RALGAPA2: variants seen among roughly 807,000 people sequenced by gnomAD.
RALGAPA2 encodes the protein ral GTPase-activating protein subunit alpha-2.
RALGAPA2 carries 139 observed loss-of-function variants against 230.4 expected under a neutral mutation model. The observed-to-expected ratio is 0.60, with a 90% CI of 0.53 to 0.69. The LOEUF is 0.69. Ranked by LOEUF, RALGAPA2 falls within the 30% of genes least tolerant of loss-of-function variation. The probability of loss-of-function intolerance (pLI) is 0.00; values close to 1 mark genes in which losing one functional copy is unlikely to be tolerated. For synonymous variants in RALGAPA2, 847 were observed against 837.8 expected, an observed-to-expected ratio of 1.01 and a Z score of -0.19; for missense variants, 2,163 against 2,276.0, an observed-to-expected ratio of 0.95 and a Z score of 1.01.
At chr20:20,559,586 C>T (rs1270245536) in intron 23 of RALGAPA2, among the ~76,000 whole-genome samples, 1 of 152,178 alleles carries the variant, frequency 6.6e-6, no homozygotes, top group African/African-American at 2.4e-5. Flanking sequence ...TAGCTTGCTG[C>T]TTCAAATTCT....
intron 2 of RALGAPA2, 94 bp from the exon 3 acceptor site, chr20:20,676,382 T>G: frequency 1.3e-6 from 1 of 749,916 alleles, no homozygotes; most frequent in Non-Finnish European, 2.2e-6. Context: ...CTAGTAAGCC[T>G]CAACATACAT....
chr20:20,505,672 A>T, intron 33 of RALGAPA2, 138 bp from the exon 34 acceptor site: 1 of 698,206 alleles, frequency 1.4e-6, no homozygotes, highest in Non-Finnish European at 2.3e-6. Flanking sequence ...CAGTGTTCTG[A>T]GATGGTCTGA....
At chr20:20,462,835 A>G (rs1323804196) in intron 37 of RALGAPA2, among the ~76,000 whole-genome samples, 2 of 152,210 alleles carry the variant, frequency 1.3e-5, no homozygotes, top group Non-Finnish European at 2.9e-5. Context: ...CTCTTATTCT[A>G]ATAAGGTATG....
intron 35 of RALGAPA2, among the ~76,000 whole-genome samples, chr20:20,496,273 C>T (rs995637314): frequency 1.3e-5 from 2 of 152,116 alleles, no homozygotes; most frequent in Non-Finnish European, 2.9e-5. Flanking sequence ...TTCTTTCAGG[C>T]CCAGGCTCTG....
At chr20:20,481,173 C>T (rs2061764374) in intron 36 of RALGAPA2, among the ~76,000 whole-genome samples, 1 of 152,198 alleles carries the variant, frequency 6.6e-6, no homozygotes, top group South Asian at 2.1e-4. Context: ...GTCCACGTGG[C>T]AACACTAGCC....
At chr20:20,411,650 G>A (rs927277602) in intron 38 of RALGAPA2, among the ~76,000 whole-genome samples, 8 of 152,160 alleles carry the variant, frequency 5.3e-5, no homozygotes, top group Non-Finnish European at 1.0e-4. Flanking sequence ...TTTAGCATTA[G>A]TAGCAACGGC....
intron 36 of RALGAPA2, among the ~76,000 whole-genome samples, chr20:20,489,758 C>T (rs528370060): frequency 4.6e-5 from 7 of 152,182 alleles, no homozygotes; most frequent in African/African-American, 9.7e-5. Flanking sequence ...ATTGTGTGCA[C>T]CTGTGTGCAG....
At chr20:20,586,380 T>C (rs1434107229) in intron 18 of RALGAPA2, among the ~76,000 whole-genome samples, 3 of 152,194 alleles carry the variant, frequency 2.0e-5, no homozygotes, top group African/African-American at 4.8e-5. Flanking sequence ...AATGCAAACA[T>C]ACTGTTGAAA....
intron 38 of RALGAPA2, among the ~76,000 whole-genome samples, chr20:20,403,625 C>A (rs557939537): frequency 2.0e-5 from 3 of 152,142 alleles, no homozygotes; most frequent in African/African-American, 7.2e-5. Context: ...CCCAGCCTCA[C>A]GAAGCTGCAT....
intron 1 of RALGAPA2, among the ~76,000 whole-genome samples, chr20:20,689,475 C>A (rs942687588): frequency 4.6e-5 from 7 of 152,118 alleles, no homozygotes; most frequent in Non-Finnish European, 8.8e-5. Flanking sequence ...AACCCCGTCT[C>A]TACTAAAAAT....
chr20:20,616,757 G>A (rs559229344), intron 12 of RALGAPA2, among the ~76,000 whole-genome samples: 2 of 152,294 alleles, frequency 1.3e-5, no homozygotes, highest in Admixed American at 1.3e-4. Flanking sequence ...GACATCACAC[G>A]CCTTCCAGGA....
At chr20:20,542,617 C>T (rs2063676512) in intron 24 of RALGAPA2, among the ~76,000 whole-genome samples, 1 of 152,122 alleles carries the variant, frequency 6.6e-6, no homozygotes, top group African/African-American at 2.4e-5. Flanking sequence ...ACATCAACAA[C>T]CATCTGATCT....
intron 37 of RALGAPA2, among the ~76,000 whole-genome samples, chr20:20,463,532 T>A (rs1302597408): frequency 1.3e-5 from 2 of 152,068 alleles, no homozygotes; most frequent in African/African-American, 4.8e-5. Flanking sequence ...TTTTAAATTA[T>A]GATTTTTATT....
chr20:20,505,393 C>T lies in RALGAPA2; in HGVS notation c.5052+18G>A, dbSNP rs1207934516. ...AACAGTGCTGGTCAATAAACACCTACTGAATGAAATGCATTACCTCCCATC... is the reference window on the plus strand; with the variant it reads ...AACAGTGCTGGTCAATAAACACCTATTGAATGAAATGCATTACCTCCCATC... On this transcript the variant is annotated intron_variant, in intron 34 of 39. Coordinates refer to ENST00000202677, the MANE Select transcript of RALGAPA2 (RefSeq NM_020343.4). The T allele has an allele frequency of 6.3e-7, 1 of 1,586,700 alleles. No homozygotes were observed. The highest frequency in any genetic ancestry group is 1.2e-5 in the South Asian group (1 of 85,260).
At chr20:20,605,994 AGT>A (rs2065808590) in intron 14 of RALGAPA2, among the ~76,000 whole-genome samples, 1 of 151,932 alleles carries the variant, frequency 6.6e-6, no homozygotes. Flanking sequence ...CCTTCCTCGG[AGT>A]CTTCATGCCT....
At chr20:20,418,135 C>G (rs1328881058) in intron 37 of RALGAPA2, among the ~76,000 whole-genome samples, 2 of 152,142 alleles carry the variant, frequency 1.3e-5, no homozygotes, top group African/African-American at 4.8e-5. Context: ...TCAGAGCTGG[C>G]AAGGGGTAGG....
At chr20:20,655,982 T>A (rs917940852) in intron 3 of RALGAPA2, among the ~76,000 whole-genome samples, 1 of 152,192 alleles carries the variant, frequency 6.6e-6, no homozygotes, top group Admixed American at 6.5e-5. Flanking sequence ...CTGGACATCC[T>A]GCCATTTGAG....
intron 23 of RALGAPA2, among the ~76,000 whole-genome samples, chr20:20,552,680 C>A (rs538693295): frequency 6.6e-6 from 1 of 152,148 alleles, no homozygotes; most frequent in Non-Finnish European, 1.5e-5. Context: ...AAGACAGCCA[C>A]GATCCTGCAG....
chr20:20,462,539 T>C (rs920937380), intron 37 of RALGAPA2, among the ~76,000 whole-genome samples: 1 of 152,140 alleles, frequency 6.6e-6, no homozygotes, highest in Non-Finnish European at 1.5e-5. Context: ...GAAATGTATC[T>C]GAAGCACAAA....
Sources: allele counts gnomAD v4.1 joint callset (sites outside exome capture counted in the v4.1 genomes callset), GRCh38; gene constraint gnomAD v4.1.1; transcripts MANE v1.5; gene names NCBI Gene and HGNC (gene_info 2026-07-23, HGNC 2026-07-21).